OTUD3: variants seen among roughly 807,000 people sequenced by gnomAD.
The protein encoded by OTUD3 is OTU deubiquitinase 3.
OTUD3 carries 24 observed loss-of-function variants against 46.2 expected under a neutral mutation model. That is an observed-to-expected ratio of 0.52 (90% CI 0.38 to 0.73). The LOEUF (loss-of-function observed/expected upper bound fraction) is 0.73. Among genes scored for constraint, OTUD3 ranks in the 30% least tolerant of loss-of-function variants. The pLI is 0.00. For synonymous variants in OTUD3, 189 were observed against 195.4 expected (o/e 0.97, Z 0.27); for missense variants, 455 against 523.3 (o/e 0.87, Z 1.27).
intron 4 of OTUD3, among the ~76,000 whole-genome samples, chr1:19,899,011 A>G (rs111445043): frequency 0.032 from 4,809 of 152,100 alleles, 112 homozygotes; most frequent in Non-Finnish European, 0.048. Context: ...AAGTTTTGCT[A>G]TGTTGCCCAG....
chr1:19,901,759 G>A (rs547433330), intron 4 of OTUD3, among the ~76,000 whole-genome samples: 76 of 152,198 alleles, frequency 5.0e-4, no homozygotes, highest in African/African-American at 1.8e-3. Flanking sequence ...TATGTAAATG[G>A]AATTATATGT....
chr1:19,892,327 C>T (rs904644044), intron 2 of OTUD3, among the ~76,000 whole-genome samples: 1 of 152,166 alleles, frequency 6.6e-6, no homozygotes, highest in African/African-American at 2.4e-5. Context: ...AGTCTTGAGT[C>T]ATAGTTACCT....
In OTUD3 at chr1:19,908,504, G is replaced by A. The variant is rs2045693019; in HGVS notation, c.*758G>A. On this transcript the variant is annotated 3_prime_UTR_variant, in exon 8 of 8. Transcript: ENST00000375120. Reference sequence around the variant, plus strand: ...GGTTTTTGGTATTTGTTTCCTGACAGTGGGGAGATGGCATGTTACTGCTTG... The same window carrying A: ...GGTTTTTGGTATTTGTTTCCTGACAATGGGGAGATGGCATGTTACTGCTTG... 1.3e-5 allele frequency: 2 copies of A among 152,398 alleles called. No individual in the cohort carries two copies. The highest frequency in any genetic ancestry group is 4.8e-5 in the African/African-American group (2 of 41,464). 9.4% of individuals were successfully genotyped at this position (152,398 alleles called of 1,614,324 possible).
At chr1:19,886,155 GT>G (rs1053121145) in intron 1 of OTUD3, among the ~76,000 whole-genome samples, 2 of 151,998 alleles carry the variant, frequency 1.3e-5, no homozygotes, top group African/African-American at 4.8e-5. Context: ...TAACCTTGAT[GT>G]TTTCCTTAAA....
At chr1:19,901,386 G>A (rs1035907644) in intron 4 of OTUD3, among the ~76,000 whole-genome samples, 22 of 152,048 alleles carry the variant, frequency 1.4e-4, no homozygotes, top group Non-Finnish European at 1.0e-4. Context: ...GAGGTGTTTT[G>A]TGTTTTTTGT....
chr1:19,890,233 G>T, intron 1 of OTUD3, 152 bp from the exon 2 acceptor site: 2 of 674,406 alleles, frequency 3.0e-6, no homozygotes, highest in South Asian at 1.9e-5. Flanking sequence ...GCTGTCCCCC[G>T]TGGTCTTGGA....
intron 1 of OTUD3, among the ~76,000 whole-genome samples, chr1:19,884,352 CTT>C (rs1246530374): frequency 6.6e-6 from 1 of 152,104 alleles, no homozygotes; most frequent in Non-Finnish European, 1.5e-5. Flanking sequence ...TTATGGGAAA[CTT>C]TGGGGGTACT....
At chr1:19,885,477 G>A (rs529679561) in intron 1 of OTUD3, among the ~76,000 whole-genome samples, 3 of 152,268 alleles carry the variant, frequency 2.0e-5, no homozygotes, top group South Asian at 2.1e-4. Context: ...CCCCTCAGAC[G>A]GAGTCTTACT....
At chr1:19,885,546 T>C (rs2045346595) in intron 1 of OTUD3, among the ~76,000 whole-genome samples, 2 of 152,168 alleles carry the variant, frequency 1.3e-5, no homozygotes, top group South Asian at 4.1e-4. Flanking sequence ...CTCTGCCTCC[T>C]GGGTTCAAAC....
At chr1:19,889,460 T>A (rs1166641829) in intron 1 of OTUD3, among the ~76,000 whole-genome samples, 1 of 152,170 alleles carries the variant, frequency 6.6e-6, no homozygotes, top group African/African-American at 2.4e-5. Flanking sequence ...GGAATTACAG[T>A]ATCATAGTTT....
In OTUD3 at chr1:19,897,523, CCTT is replaced by C. The variant is rs758031977; in HGVS notation, c.484-13_484-11del. On this transcript the variant is annotated splice_polypyrimidine_tract_variant and intron_variant, in intron 3 of 7. Coordinates refer to ENST00000375120, the MANE Select transcript of OTUD3 (RefSeq NM_015207.2). ...TGTTCAGATCCTCACTGGCATGGCC[CCTT>C]CTTTTGTCTACAGATTCGTGGTACA... 6.8e-6 allele frequency: 11 copies of C among 1,613,378 alleles called. No individual in the cohort carries two copies. The South Asian group carries it at 1.2e-4, about 18-fold the overall frequency.
At chr1:19,895,064 G>A (rs2045499912) in intron 3 of OTUD3, among the ~76,000 whole-genome samples, 1 of 152,150 alleles carries the variant, frequency 6.6e-6, no homozygotes, top group South Asian at 2.1e-4. Context: ...ACACACACTT[G>A]GCTATAAAAA....
chr1:19,894,980 A>T (rs375344820), intron 3 of OTUD3, among the ~76,000 whole-genome samples: 3 of 152,344 alleles, frequency 2.0e-5, no homozygotes, highest in South Asian at 4.1e-4. Flanking sequence ...ATTAAAAATT[A>T]TATTTAAAAT....
intron 1 of OTUD3, among the ~76,000 whole-genome samples, chr1:19,888,369 T>C (rs1398864345): frequency 4.6e-5 from 7 of 152,218 alleles, no homozygotes; most frequent in Non-Finnish European, 1.0e-4. Context: ...TCTTGAGTGC[T>C]CTTATTGGGC....
chr1:19,895,542 T>C (rs2045506885), intron 3 of OTUD3, among the ~76,000 whole-genome samples: 1 of 152,214 alleles, frequency 6.6e-6, no homozygotes, highest in Non-Finnish European at 1.5e-5. Flanking sequence ...CTTTTGTCCC[T>C]GGCACAGTGT....
At chr1:19,906,763 A>G in intron 7 of OTUD3, 147 bp downstream of exon 7, 2 of 715,558 alleles carry the variant, frequency 2.8e-6, no homozygotes, top group Admixed American at 3.0e-5. Flanking sequence ...AGCTACATCA[A>G]GAAGCAGAAT....
In OTUD3 at chr1:19,882,474, C is replaced by T. The variant is rs1255661530; in HGVS notation, c.-40C>T. ...TTGAGGCGGACGCTGGGGGGTCCTG[C>T]GCCTTTCCCTCCTGCCGCTGGGGAC... On this transcript the variant is annotated 5_prime_UTR_variant, in exon 1 of 8. Coordinates refer to ENST00000375120, the MANE Select transcript of OTUD3 (RefSeq NM_015207.2). The T allele has an allele frequency of 1.5e-6, 2 of 1,341,840 alleles. No homozygotes were observed. Among genetic ancestry groups the T allele is most frequent in the African/African-American group, 1.5e-5 (1 of 65,452 alleles). The allele number at this position is 1,341,840 out of a possible 1,614,324, so 83.1% of individuals were successfully genotyped here.
intron 4 of OTUD3, among the ~76,000 whole-genome samples, chr1:19,899,108 G>A (rs936424700): frequency 6.6e-6 from 1 of 152,156 alleles, no homozygotes; most frequent in African/African-American, 2.4e-5. Flanking sequence ...ATGGTGCCTG[G>A]CAATTTTAAT....
chr1:19,884,233 G>C (rs2045323361), intron 1 of OTUD3, among the ~76,000 whole-genome samples: 1 of 152,154 alleles, frequency 6.6e-6, no homozygotes, highest in Non-Finnish European at 1.5e-5. Context: ...ACTGGGTATG[G>C]TATTCTCAAT....
Sources: gnomAD v4.1 joint callset for allele counts (sites outside exome capture counted in the v4.1 genomes callset) on GRCh38, gnomAD v4.1.1 for gene constraint, MANE v1.5 for transcripts, NCBI Gene and HGNC (gene_info 2026-07-23, HGNC 2026-07-21) for gene names.